Variants in ACAP1 observed in about 807,000 individuals in gnomAD.
ACAP1 encodes the protein arf-GAP with coiled-coil, ANK repeat and PH domain-containing protein 1.
ACAP1 carries 45 observed loss-of-function variants against 98.8 expected under a neutral mutation model. That is an observed-to-expected ratio of 0.46 (90% CI 0.36 to 0.58). The LOEUF is 0.58. Among genes scored for constraint, ACAP1 ranks in the 20% least tolerant of loss-of-function variants. The pLI, the probability that ACAP1 is intolerant of heterozygous loss-of-function variation, is 0.00. For missense variants in ACAP1, 735 were observed against 971.4 expected (o/e 0.76, Z 3.24); for synonymous variants, 362 against 375.3 (o/e 0.96, Z 0.41).
Position 7,343,924 on chromosome 17 carries a change from C to T in ACAP1, c.637C>T (p.Leu213=). 1.2e-6 allele frequency: 2 copies of T among 1,605,510 alleles called. No individual in the cohort carries two copies. The highest frequency in any genetic ancestry group is 1.7e-6 in the Non-Finnish European group (2 of 1,175,754). The change falls in exon 8 of 22, where the codon CTG becomes TTG. Residue 213 remains leucine (L), a synonymous_variant. Transcript: ENST00000158762. The surrounding 1 kb of genome is among the most constrained non-coding windows in gnomAD (Gnocchi z 4.9). ...GCAGGGCCATGAGGAGCTGAGCCGGCTGTCCCAGTATCGAAAGGAGCTGGG... is the reference window on the plus strand; with the variant it reads ...GCAGGGCCATGAGGAGCTGAGCCGGTTGTCCCAGTATCGAAAGGAGCTGGG... The part of the protein sequence containing the change: ...FQQGHEELSR[L]SQYRKELGAQ...
chr17:7,337,133 G>T, intron 1 of ACAP1, 179 bp from the exon 2 acceptor site: 1 of 692,126 alleles, frequency 1.4e-6, no homozygotes, highest in East Asian at 2.5e-5. Context: ...GCTCTGGCCT[G>T]GGCTGTGGTA....
intron 2 of ACAP1, 55 bp downstream of exon 2, chr17:7,337,424 GC>G: frequency 1.3e-6 from 2 of 1,501,982 alleles, no homozygotes; most frequent in Non-Finnish European, 1.9e-6. Flanking sequence ...GAGGGGTAGG[GC>G]CAGGGAGAAA....
At chr17:7,351,263 A>C in intron 21 of ACAP1, 32 bp from the exon 22 acceptor site, 3 of 1,573,312 alleles carry the variant, frequency 1.9e-6, no homozygotes, top group Non-Finnish European at 2.6e-6. Flanking sequence ...ACTGGGGCCC[A>C]GCCGCCTCCC....
Position 7,344,085 on chromosome 17 carries a change from A to G in ACAP1, c.706A>G (p.Arg236Gly). 6.3e-7 allele frequency: 1 copy of G among 1,590,840 alleles called. No homozygotes were observed. The highest frequency in any genetic ancestry group is 1.3e-5 in the African/African-American group (1 of 74,290). Reference sequence around the variant, plus strand: ...GGTCTTGAATTCAGCACGAGAGAAGAGGGACATGGAGCAGAGACACGTGCT... The same window carrying G: ...GGTCTTGAATTCAGCACGAGAGAAGGGGGACATGGAGCAGAGACACGTGCT... Reference protein sequence around the residue: ...QLVLNSAREKRDMEQRHVLLK... With the variant: ...QLVLNSAREKGDMEQRHVLLK... The change falls in exon 9 of 22, where the codon AGG becomes GGG. Residue 236 changes from arginine (R) to glycine (G), a missense_variant. Physicochemically the swap from Arg to Gly is moderately radical, Grantham distance 125. Coordinates refer to ENST00000158762, the MANE Select transcript of ACAP1 (RefSeq NM_014716.4). This position sits in a 1 kb window ranked among gnomAD's most constrained non-coding sequence, Gnocchi z 4.9.
At position 7,349,002 on chromosome 17, in the gene ACAP1, C is replaced by G. The variant is rs552196638; in HGVS notation, c.1686C>G (p.Pro562=). 3 of 1,613,134 alleles carry G rather than the reference C, an allele frequency of 1.9e-6. No homozygotes were observed. The highest frequency in any genetic ancestry group is 1.7e-5 in the Admixed American group (1 of 59,988). Residue 562 remains proline (P), a synonymous_variant, in exon 18 of 22, where the codon CCC becomes CCG. Coordinates refer to ENST00000158762, the MANE Select transcript of ACAP1 (RefSeq NM_014716.4). ...PGSLRSKPEP[P]SEDLGSLHPG... Reference sequence around the variant, plus strand: ...ACCAAATCCCCCGAACAGAGCCCCCCTCTGAGGACCTGGGAAGCCTGCACC... The same window carrying G: ...ACCAAATCCCCCGAACAGAGCCCCCGTCTGAGGACCTGGGAAGCCTGCACC...
intron 21 of ACAP1, 102 bp downstream of exon 21, chr17:7,351,101 T>C (rs2073405209): frequency 7.7e-7 from 1 of 1,295,868 alleles, no homozygotes; most frequent in East Asian, 2.4e-5. Flanking sequence ...ATTCATTCCG[T>C]TATTTAACAA....
In ACAP1 at chr17:7,346,388, C is replaced by T. The variant is rs2073346493; in HGVS notation, c.907-3C>T. ...CTGGCCCCTTATCACCTTATCCTGC[C>T]AGGACCCTGTGACTGTGGTGGTGGA... On this transcript the variant is annotated splice_region_variant and splice_polypyrimidine_tract_variant and intron_variant, in intron 11 of 21. Coordinates refer to ENST00000158762, the MANE Select transcript of ACAP1 (RefSeq NM_014716.4). 1 of 1,613,912 alleles carries T rather than the reference C, an allele frequency of 6.2e-7. No individual in the cohort carries two copies. The highest frequency in any genetic ancestry group is 1.7e-5 in the Admixed American group (1 of 59,988).
At position 7,343,383 on chromosome 17, in the gene ACAP1, C is replaced by A; in HGVS notation, c.349C>A (p.Leu117Met). 1 of 1,612,464 alleles carries A rather than the reference C, an allele frequency of 6.2e-7. No individual in the cohort carries two copies. Among genetic ancestry groups the A allele is most frequent in the Non-Finnish European group, 8.5e-7 (1 of 1,179,468 alleles). ...GTGTTATTTTCCCATCCTCAGAGGT[C>A]TGCGGGGTTTCCGAGAGGCTCGCCG... Reference protein sequence around the residue: ...QQIQTLVKEGLRGFREARRDF... With the variant: ...QQIQTLVKEGMRGFREARRDF... Residue 117 changes from leucine to methionine, a missense_variant, in exon 6 of 22, where the codon CTG becomes ATG. Physicochemically the swap from Leu to Met is conservative, Grantham distance 15. Transcript: ENST00000158762. This position sits in a 1 kb window ranked among gnomAD's most constrained non-coding sequence, Gnocchi z 4.9.
chr17:7,340,166 G>A (rs2073262176), intron 2 of ACAP1, among the ~76,000 whole-genome samples: 1 of 151,982 alleles, frequency 6.6e-6, no homozygotes, highest in Admixed American at 6.6e-5. Context: ...CAGCTACTCA[G>A]GAAGCTAAGA....
chr17:7,344,854 G>A lies in ACAP1; in HGVS notation c.854+206G>A, dbSNP rs543853469. Among the ~76,000 whole-genome samples, 15 of 152,262 alleles carry A rather than the reference G, an allele frequency of 9.9e-5. No homozygotes were observed. The South Asian group carries it at 3.1e-3, about 32-fold the overall frequency. On this transcript the variant is annotated intron_variant, in intron 10 of 21. Transcript: ENST00000158762. The surrounding 1 kb of genome is among the most constrained non-coding windows in gnomAD (Gnocchi z 4.9). The stretch of plus-strand genomic sequence containing the variant: ...ATAGTGCTTGCTATAGGAGAAAGAT[G>A]ATAAAGCAAGGGATGTGGGGAGCTG...
chr17:7,337,191 C>A, intron 1 of ACAP1, 121 bp from the exon 2 acceptor site: 1 of 893,014 alleles, frequency 1.1e-6, no homozygotes, highest in Non-Finnish European at 1.8e-6. Context: ...GGGTGGGGGG[C>A]GAGCCTCTCA....
Position 7,342,255 on chromosome 17 carries a change from CTG to C in ACAP1, c.232-17_232-16del. 1 of 1,613,888 alleles carries C rather than the reference CTG, an allele frequency of 6.2e-7. No individual in the cohort carries two copies. Among genetic ancestry groups the C allele is most frequent in the Non-Finnish European group, 8.5e-7 (1 of 1,179,940 alleles). ...TGCCACCCCATGCCTGGTACTCTTT[CTG>C]TGCCTCTTCTTGCCTAGGAGTGTCT... On this transcript the variant is annotated intron_variant, in intron 3 of 21. Transcript: ENST00000158762.
In ACAP1 at chr17:7,346,510, G is replaced by T; in HGVS notation, c.1007+19G>T. The T allele has an allele frequency of 6.4e-7, 1 of 1,572,052 alleles. No homozygotes were observed. The highest frequency in any genetic ancestry group is 8.6e-7 in the Non-Finnish European group (1 of 1,159,290). ...CCAGCAAGTGAGTGCAATCCCCAGGGGTGATACTCTAATATATCTAAACAA... is the reference window on the plus strand; with the variant it reads ...CCAGCAAGTGAGTGCAATCCCCAGGTGTGATACTCTAATATATCTAAACAA... On this transcript the variant is annotated intron_variant, in intron 12 of 21. Transcript: ENST00000158762.
Position 7,344,135 on chromosome 17 carries a change from G to C in ACAP1, c.744+12G>C. The C allele has an allele frequency of 6.4e-7, 1 of 1,562,040 alleles. No homozygotes were observed. Among genetic ancestry groups the C allele is most frequent in the Non-Finnish European group, 8.7e-7 (1 of 1,152,880 alleles). ...TGCTGAAACAGAAGGTGAGGGGCCA[G>C]GTGCGGTGGCCCACGACCGTCATCC... On this transcript the variant is annotated intron_variant, in intron 9 of 21. Coordinates refer to ENST00000158762, the MANE Select transcript of ACAP1 (RefSeq NM_014716.4). This position sits in a 1 kb window ranked among gnomAD's most constrained non-coding sequence, Gnocchi z 4.9.
chr17:7,348,955 G>A (rs372578107), intron 17 of ACAP1, 40 bp from the exon 18 acceptor site: 4 of 1,589,856 alleles, frequency 2.5e-6, no homozygotes, highest in East Asian at 2.2e-5. Context: ...TCCCAGACTC[G>A]GAGCTGCTTC....
Position 7,348,179 on chromosome 17 carries a change from T to C in ACAP1, c.1466T>C (p.Val489Ala), listed in dbSNP as rs1433477286. Residue 489 changes from valine to alanine, a missense_variant, in exon 16 of 22, where the codon GTG (valine) becomes GCG (alanine). Physicochemically the swap from Val to Ala is moderately conservative, Grantham distance 64. Coordinates refer to ENST00000158762, the MANE Select transcript of ACAP1 (RefSeq NM_014716.4). The stretch of plus-strand genomic sequence containing the variant: ...ATCAACCAGATCTATGAGGCCCGCG[T>C]GGAGGCCATGGCAGTGAAGAAACCA... ...VIINQIYEAR[V>A]EAMAVKKPGP... is the part of the protein sequence containing the mutation. 1.2e-6 allele frequency: 2 copies of C among 1,613,956 alleles called. No homozygotes were observed. The highest frequency in any genetic ancestry group is 1.7e-6 in the Non-Finnish European group (2 of 1,179,990).
Position 7,336,646 on chromosome 17 carries a change from C to A in ACAP1, c.-89C>A. ...GGTCCCTCTCCTCCTTCCCCCTCATCTCCCCTTCCTGGGACAGAAAGTGCC... is the reference window on the plus strand; with the variant it reads ...GGTCCCTCTCCTCCTTCCCCCTCATATCCCCTTCCTGGGACAGAAAGTGCC... On this transcript the variant is annotated 5_prime_UTR_variant, in exon 1 of 22. Coordinates refer to ENST00000158762, the MANE Select transcript of ACAP1 (RefSeq NM_014716.4). The A allele has an allele frequency of 2.1e-6, 3 of 1,411,966 alleles. No individual in the cohort carries two copies. Among genetic ancestry groups the A allele is most frequent in the Non-Finnish European group, 3.0e-6 (3 of 999,102 alleles). 87.5% of individuals were successfully genotyped at this position (1,411,966 alleles called of 1,614,324 possible).
rs778742775 is a variant in ACAP1, at chr17:7,348,401, G to A, written c.1604G>A (p.Arg535His). 18 of 1,545,918 alleles carry A rather than the reference G, an allele frequency of 1.2e-5. No individual in the cohort carries two copies. Among genetic ancestry groups the A allele is most frequent in the South Asian group, 8.6e-5 (7 of 81,258 alleles). Residue 535 changes from arginine to histidine, a missense_variant, in exon 17 of 22, where the codon CGC (arginine) becomes CAC (histidine). Around this residue, in one of 5 missense-constraint regions of ACAP1, gnomAD observed 80 missense variants for 64.4 expected, o/e 1.24. Transcript: ENST00000158762. ...CGAGGGCGAAGAGGTGGCCGGGGGC[G>A]CCCAAGGGGGCAGCCTCCTGTGCCC... Reference protein sequence around the residue: ...EIRGRRGGRGRPRGQPPVPPK... With the variant: ...EIRGRRGGRGHPRGQPPVPPK...
chr17:7,350,432 C>A lies in ACAP1; in HGVS notation c.2072+195C>A, dbSNP rs1210519365. The A allele has an allele frequency of 7.0e-6, 4 of 574,218 alleles. No homozygotes were observed. Among genetic ancestry groups the A allele is most frequent in the Admixed American group, 3.1e-5 (1 of 32,646 alleles). 35.6% of individuals were successfully genotyped at this position (574,218 alleles called of 1,614,324 possible). On this transcript the variant is annotated intron_variant, in intron 20 of 21. Coordinates refer to ENST00000158762, the MANE Select transcript of ACAP1 (RefSeq NM_014716.4). The surrounding 1 kb of genome is among the most constrained non-coding windows in gnomAD (Gnocchi z 4.6). The stretch of plus-strand genomic sequence containing the variant: ...GTGCACTGGGACGTGGAGTAGAAGG[C>A]AGGCGGGAGGGCGGGCAGGGTGCAA...
Sources: allele counts gnomAD v4.1 joint callset (sites outside exome capture counted in the v4.1 genomes callset), GRCh38; gene constraint gnomAD v4.1.1; regional missense constraint gnomAD v4.1.1; non-coding constraint Gnocchi (gnomAD v3.1); transcripts MANE v1.5; gene names NCBI Gene and HGNC (gene_info 2026-07-23, HGNC 2026-07-21).